CBL: variants seen among roughly 807,000 people sequenced by gnomAD.
The protein encoded by CBL is E3 ubiquitin-protein ligase CBL.
Under a neutral mutation model 96.9 loss-of-function variants are expected in CBL, and 45 were observed. The observed-to-expected ratio is 0.46, with a 90% CI of 0.37 to 0.60. The LOEUF is 0.60. CBL is among the 20% of genes least tolerant of loss of function. The pLI is 0.00. For synonymous variants in CBL, 420 were observed against 426.8 expected, an observed-to-expected ratio of 0.98 and a Z score of 0.20; for missense variants, 1,024 against 1,143.5, an observed-to-expected ratio of 0.90 and a Z score of 1.51.
At chr11:119,212,402 G>T (rs1949325433) in intron 1 of CBL, among the ~76,000 whole-genome samples, 2 of 151,422 alleles carry the variant, frequency 1.3e-5, no homozygotes, top group Admixed American at 1.3e-4. Flanking sequence ...GAGGTGGGTG[G>T]ATCACCTGAG....
intron 2 of CBL, among the ~76,000 whole-genome samples, chr11:119,249,522 A>G (rs1334696369): frequency 6.9e-6 from 1 of 145,548 alleles, no homozygotes; most frequent in Non-Finnish European, 1.5e-5. Flanking sequence ...ACTGCACTCC[A>G]GCGTGGGTGA....
intron 1 of CBL, among the ~76,000 whole-genome samples, chr11:119,212,313 A>G (rs1949324599): frequency 6.6e-6 from 1 of 152,078 alleles, no homozygotes; most frequent in Non-Finnish European, 1.5e-5. Flanking sequence ...AAAAAATTAC[A>G]TTTTTTTGAA....
At position 119,302,253 on chromosome 11, in the gene CBL, G is replaced by A. The variant is rs543975788; in HGVS notation, c.*2472G>A. 2 of 232,742 alleles carry A rather than the reference G, an allele frequency of 8.6e-6. No individual in the cohort carries two copies. Among genetic ancestry groups the A allele is most frequent in the Middle Eastern group, 1.3e-3 (1 of 780 alleles). The allele number at this position is 232,742 out of a possible 1,614,324, so 14.4% of individuals were successfully genotyped here. On this transcript the variant is annotated 3_prime_UTR_variant, in exon 16 of 16. Coordinates refer to ENST00000264033, the MANE Select transcript of CBL (RefSeq NM_005188.4). The stretch of plus-strand genomic sequence containing the variant: ...TCATGAGGATCTTTCCTTTGACTGG[G>A]TGCTGTGAGGACACACCTGGGTCTG...
rs1349077740 is a variant in CBL, at chr11:119,303,428, T to C, written c.*3647T>C. On this transcript the variant is annotated 3_prime_UTR_variant, in exon 16 of 16. Coordinates refer to ENST00000264033, the MANE Select transcript of CBL (RefSeq NM_005188.4). Reference sequence around the variant, plus strand: ...TGCCAGAAATGTCAGGTATGTGTCCTTCCCTTGGCGCCACATAGTAGTTTA... The same window carrying C: ...TGCCAGAAATGTCAGGTATGTGTCCCTCCCTTGGCGCCACATAGTAGTTTA... The C allele has an allele frequency of 8.6e-6, 2 of 233,462 alleles. No homozygotes were observed. Among genetic ancestry groups the C allele is most frequent in the African/African-American group, 4.4e-5 (2 of 45,354 alleles). The allele number at this position is 233,462 out of a possible 1,614,324, so 14.5% of individuals were successfully genotyped here.
intron 1 of CBL, among the ~76,000 whole-genome samples, chr11:119,220,049 C>A (rs1422942631): frequency 1.3e-5 from 2 of 152,180 alleles, no homozygotes; most frequent in East Asian, 3.9e-4. Flanking sequence ...GGGGTTTCAC[C>A]ATGTTGGCCA....
chr11:119,233,526 G>T (rs1949520492), intron 2 of CBL, among the ~76,000 whole-genome samples: 1 of 152,150 alleles, frequency 6.6e-6, no homozygotes, highest in Non-Finnish European at 1.5e-5. Context: ...GAGCCATCAC[G>T]CCTGGCCCTC....
In CBL at chr11:119,274,058, C is replaced by T. The variant is rs367932635; in HGVS notation, c.747+34C>T. On this transcript the variant is annotated intron_variant, in intron 4 of 15. Transcript: ENST00000264033. ...CTAAAAAAGTTGACTAAACTGGTTA[C>T]TGCTACTTCGGTGAAGAGAAAGCTT... 57 of 1,505,694 alleles carry T rather than the reference C, an allele frequency of 3.8e-5. No individual in the cohort carries two copies. In the African/African-American group the frequency reaches 4.4e-4, roughly 12 times the overall value. 93.3% of individuals were successfully genotyped at this position (1,505,694 alleles called of 1,614,324 possible).
chr11:119,264,433 C>CTTCTCTTCTCTTCTCTT (rs1565868342), intron 2 of CBL, among the ~76,000 whole-genome samples: 4 of 101,980 alleles, frequency 3.9e-5, no homozygotes, highest in African/African-American at 1.1e-4. Flanking sequence ...CTTCTCTTCT[C>CTTCTCTTCTCTTCTCTT]TTCTCTTCTT....
Position 119,206,404 on chromosome 11 carries a change from A to C in CBL, c.-14A>C. Reference sequence around the variant, plus strand: ...AGCCGGCGGACCCGCCTGGGCTCCGACCCTGCCCAGGCCATGGCCGGCAAC... The same window carrying C: ...AGCCGGCGGACCCGCCTGGGCTCCGCCCCTGCCCAGGCCATGGCCGGCAAC... On this transcript the variant is annotated 5_prime_UTR_variant, in exon 1 of 16. Transcript: ENST00000264033. 6.5e-7 allele frequency: 1 copy of C among 1,537,162 alleles called. No individual in the cohort carries two copies. Among genetic ancestry groups the C allele is most frequent in the Non-Finnish European group, 8.7e-7 (1 of 1,146,376 alleles).
chr11:119,245,192 A>T (rs1949617069), intron 2 of CBL, among the ~76,000 whole-genome samples: 1 of 148,734 alleles, frequency 6.7e-6, no homozygotes. Context: ...TTTTTTTTAA[A>T]CCAGATATCT....
At chr11:119,268,955 T>C (rs1949823313) in intron 2 of CBL, among the ~76,000 whole-genome samples, 1 of 152,158 alleles carries the variant, frequency 6.6e-6, no homozygotes, top group African/African-American at 2.4e-5. Context: ...AATAATCTAG[T>C]TTAGGGACTA....
intron 2 of CBL, among the ~76,000 whole-genome samples, chr11:119,267,769 C>A (rs1949814862): frequency 6.6e-6 from 1 of 152,202 alleles, no homozygotes; most frequent in East Asian, 1.9e-4. Context: ...GTATATTGAT[C>A]ATTAGAAATT....
In CBL at chr11:119,217,151, C is replaced by G. The variant is rs1054580926; in HGVS notation, c.195+10539C>G. ...TTTTTTTCTGAGACACAGTTTCACT[C>G]TTGTTGCCCAGGCTGGAGTGCAGTG... On this transcript the variant is annotated intron_variant, in intron 1 of 15. Transcript: ENST00000264033. Among the ~76,000 whole-genome samples, 10 of 152,294 alleles carry G rather than the reference C, an allele frequency of 6.6e-5. No homozygotes were observed. In the East Asian group the frequency reaches 1.9e-3, roughly 29 times the overall value.
At position 119,271,720 on chromosome 11, in the gene CBL, T is replaced by C; in HGVS notation, c.444-15T>C. On this transcript the variant is annotated splice_polypyrimidine_tract_variant and intron_variant, in intron 2 of 15. Transcript: ENST00000264033. ...AATTTTATGTGTTTAATTATTGCAT[T>C]CTGATCATTTGTAGGCGAAACCTAA... 6.2e-7 allele frequency: 1 copy of C among 1,611,492 alleles called. No homozygotes were observed. Among genetic ancestry groups the C allele is most frequent in the Non-Finnish European group, 8.5e-7 (1 of 1,177,688 alleles).
At chr11:119,250,834 C>G (rs1156538971) in intron 2 of CBL, among the ~76,000 whole-genome samples, 1 of 152,060 alleles carries the variant, frequency 6.6e-6, no homozygotes, top group Non-Finnish European at 1.5e-5. Context: ...GCCTGTAATT[C>G]CAGCTACTCA....
intron 5 of CBL, among the ~76,000 whole-genome samples, chr11:119,275,327 A>T (rs1014727617): frequency 6.6e-6 from 1 of 152,054 alleles, no homozygotes; most frequent in Non-Finnish European, 1.5e-5. Flanking sequence ...AATCCCAGCT[A>T]CTCAGGAGGC....
chr11:119,249,889 A>G (rs766904463), intron 2 of CBL, among the ~76,000 whole-genome samples: 7 of 152,090 alleles, frequency 4.6e-5, no homozygotes, highest in Non-Finnish European at 1.0e-4. Context: ...CCTGGGCTCA[A>G]GTGATCCTCC....
intron 1 of CBL, among the ~76,000 whole-genome samples, chr11:119,215,064 A>C (rs926180742): frequency 2.0e-5 from 3 of 152,152 alleles, no homozygotes; most frequent in African/African-American, 7.2e-5. Context: ...CCTTAATGTA[A>C]AACATGAGCC....
intron 12 of CBL, among the ~76,000 whole-genome samples, chr11:119,290,552 G>A (rs1176505003): frequency 3.3e-5 from 5 of 149,592 alleles, no homozygotes; most frequent in East Asian, 2.1e-4. Flanking sequence ...CTCAGGAGGC[G>A]GAGGTTGCAG....
Sources: allele counts gnomAD v4.1 joint callset (sites outside exome capture counted in the v4.1 genomes callset), GRCh38; gene constraint gnomAD v4.1.1; transcripts MANE v1.5; gene names NCBI Gene and HGNC (gene_info 2026-07-23, HGNC 2026-07-21).